CCDC66: variants seen among roughly 807,000 people sequenced by gnomAD.
CCDC66 encodes coiled-coil domain-containing protein 66.
CCDC66 carries 133 observed loss-of-function variants against 128.3 expected under a neutral mutation model. That is an observed-to-expected ratio of 1.04 (90% confidence interval 0.90 to 1.20). The LOEUF (loss-of-function observed/expected upper bound fraction) is 1.20. CCDC66 is among the 50% of genes most tolerant of loss of function. The pLI is 0.00. For synonymous variants in CCDC66, 387 were observed against 357.0 expected (o/e 1.08, Z -0.95); for missense variants, 1,126 against 1,075.5 (o/e 1.05, Z -0.66).
chr3:56,619,648 C>G, intron 16 of CCDC66, 121 bp downstream of exon 16: 1 of 1,484,422 alleles, frequency 6.7e-7, no homozygotes, highest in Non-Finnish European at 9.0e-7. Context: ...TTGAATATGT[C>G]TTAAATTTTT....
Position 56,593,626 on chromosome 3 carries a change from G to A in CCDC66, c.1204G>A (p.Ala402Thr), listed in dbSNP as rs1282211262. Reference protein sequence around the residue: ...FCVSPDTQELADVSSVCTPTT... With the variant: ...FCVSPDTQELTDVSSVCTPTT... ...TGTCTCTCCTGACACTCAGGAGCTG[G>A]CTGATGTCAGCAGTGTTTGTACACC... The change falls in exon 9 of 18, where the codon GCT (alanine) becomes ACT (threonine). Residue 402 changes from alanine (A) to threonine (T), a missense_variant. Physicochemically the swap from Ala to Thr is moderately conservative, Grantham distance 58 (BLOSUM62 0). Transcript: ENST00000394672. 3.1e-6 allele frequency: 5 copies of A among 1,614,028 alleles called. No individual in the cohort carries two copies. In the Admixed American group the frequency reaches 5.0e-5, roughly 16 times the overall value.
rs1340201532 is a variant in CCDC66 at position 56,563,721 on chromosome 3, G to A, written c.140G>A (p.Arg47Lys). 2 of 1,551,096 alleles carry A rather than the reference G, an allele frequency of 1.3e-6. No homozygotes were observed. The highest frequency in any genetic ancestry group is 1.7e-6 in the Non-Finnish European group (2 of 1,146,774). ...GCCAAGATTGCAAAATGTCCTTTAA[G>A]AACAAAAACTGGGCACATTCTAAAA... is the stretch of plus-strand genomic sequence containing the variant. ...NKAKIAKCPLRTKTGHILKST... is the reference protein window; with the variant it reads ...NKAKIAKCPLKTKTGHILKST... Residue 47 changes from arginine (R) to lysine (K), a missense_variant, in exon 4 of 18, where the codon AGA becomes AAA. Transcript: ENST00000394672.
chr3:56,619,683 CTTA>C (rs2076092026), intron 16 of CCDC66, 91 bp from the exon 17 acceptor site: 7 of 1,504,936 alleles, frequency 4.7e-6, no homozygotes, highest in African/African-American at 4.2e-5. Context: ...AGGATACATA[CTTA>C]TTATAATGAC....
At chr3:56,560,986 G>A (rs1284046088) in intron 3 of CCDC66, 7 of 453,352 alleles carry the variant, frequency 1.5e-5, no homozygotes, top group Admixed American at 9.6e-5. Context: ...AGTTGCTGGA[G>A]TACCCGAAAT....
At position 56,619,457 on chromosome 3, in the gene CCDC66, C is replaced by G. The variant is rs2076043634; in HGVS notation, c.2565C>G (p.Ile855Met). ...TTCCGTATGTTCGAACAAATGAGAT[C>G]TATTACCTTGATCCCGATGCACCAT... ...HFIPYVRTNE[I>M]YYLDPDAPLS... Residue 855 changes from isoleucine to methionine, a missense_variant, in exon 16 of 18, where the codon ATC becomes ATG. Physicochemically the swap from Ile to Met is conservative, Grantham distance 10 (BLOSUM62 1). Transcript: ENST00000394672. 6.2e-7 allele frequency: 1 copy of G among 1,614,000 alleles called. No individual in the cohort carries two copies. Among genetic ancestry groups the G allele is most frequent in the South Asian group, 1.1e-5 (1 of 91,078 alleles).
rs1364144255 is a variant in CCDC66 at position 56,593,689 on chromosome 3, C to T, written c.1267C>T (p.His423Tyr). The T allele has an allele frequency of 6.2e-7, 1 of 1,614,106 alleles. No homozygotes were observed. The highest frequency in any genetic ancestry group is 1.3e-5 in the African/African-American group (1 of 75,046). ...CCAGGTTGAACCTTCAGAGGAGGAG[C>T]ATATAGCAAAACCTATTAAGGATGT... ...GSQVEPSEEE[H>Y]IAKPIKDVVM... The change falls in exon 9 of 18, where the codon CAT becomes TAT. Residue 423 changes from histidine (H) to tyrosine (Y), a missense_variant. By Grantham distance (83) the His-to-Tyr change is moderately conservative. Transcript: ENST00000394672.
chr3:56,563,129 G>A (rs1291218511), intron 3 of CCDC66, among the ~76,000 whole-genome samples: 1 of 151,894 alleles, frequency 6.6e-6, no homozygotes, highest in Non-Finnish European at 1.5e-5. Context: ...GGGAGGCCAA[G>A]GCAGGTGGAT....
At chr3:56,604,564 G>A (rs932392013) in intron 10 of CCDC66, among the ~76,000 whole-genome samples, 6 of 151,876 alleles carry the variant, frequency 4.0e-5, no homozygotes, top group South Asian at 2.1e-4. Context: ...ATGAAATTCC[G>A]GGTTGAAAAT....
At position 56,593,350 on chromosome 3, in the gene CCDC66, C is replaced by T; in HGVS notation, c.1069-141C>T. 9 of 951,208 alleles carry T rather than the reference C, an allele frequency of 9.5e-6. No homozygotes were observed. The South Asian group carries it at 1.6e-4, about 17-fold the overall frequency. 58.9% of individuals were successfully genotyped at this position (951,208 alleles called of 1,614,324 possible). A position where few individuals can be genotyped will look rare whatever the true frequency, so the allele number is the denominator to read the frequency against. ...CTAGTGATCTATATGTATAAGGACTCTAAACAGTACAGTCTTGTTAATTTT... is the reference window on the plus strand; with the variant it reads ...CTAGTGATCTATATGTATAAGGACTTTAAACAGTACAGTCTTGTTAATTTT... On this transcript the variant is annotated intron_variant, in intron 8 of 17. Coordinates refer to ENST00000394672, the MANE Select transcript of CCDC66 (RefSeq NM_001141947.3).
chr3:56,602,782 C>A (rs1321176679), intron 10 of CCDC66, among the ~76,000 whole-genome samples: 1 of 149,440 alleles, frequency 6.7e-6, no homozygotes, highest in Non-Finnish European at 1.5e-5. Flanking sequence ...TTATAGTATT[C>A]TTTGATGGTA....
intron 1 of CCDC66, among the ~76,000 whole-genome samples, chr3:56,557,536 G>A (rs1166629478): frequency 6.6e-6 from 1 of 152,230 alleles, no homozygotes; most frequent in Non-Finnish European, 1.5e-5. Flanking sequence ...GGGAAGAGAG[G>A]TGAGGAGGAA....
At chr3:56,566,132 T>TTTTGTTTTGTTTTGTTTTGTTTTGC (rs2065824200) in intron 4 of CCDC66, among the ~76,000 whole-genome samples, 1 of 152,074 alleles carries the variant, frequency 6.6e-6, no homozygotes, top group African/African-American at 2.4e-5. Context: ...TTTTGTTTTG[T>TTTTGTTTTGTTTTGTTTTGTTTTGC]TTTGTTTTTT....
At chr3:56,569,756 C>G (rs944612692) in intron 6 of CCDC66, 1 of 152,246 alleles carries the variant, frequency 6.6e-6, no homozygotes, top group Non-Finnish European at 1.5e-5. Context: ...CATTCCACAT[C>G]AAAATGCAAT....
rs753875788 is a variant in CCDC66, at chr3:56,597,776, G to GTTTTTTTTTTTTTTTTTTTTTTTTT, written c.1404+3748_1404+3749insTTTTTTTTTTTTTTTTTTTTTTTTT. ...TTGTGGAGTCTAGGTTTTGTTTTGG[G>GTTTTTTTTTTTTTTTTTTTTTTTTT]GTTTTTTTTTTTTTTTGAGACAGAG... On this transcript the variant is annotated intron_variant, in intron 10 of 17. Coordinates refer to ENST00000394672, the MANE Select transcript of CCDC66 (RefSeq NM_001141947.3). Among the ~76,000 whole-genome samples the GTTTTTTTTTTTTTTTTTTTTTTTTT allele has an allele frequency of 1.9e-3, 119 of 61,674 alleles. 21 individuals are homozygous for GTTTTTTTTTTTTTTTTTTTTTTTTT. Among genetic ancestry groups the GTTTTTTTTTTTTTTTTTTTTTTTTT allele is most frequent in the Middle Eastern group, 0.023 (2 of 88 alleles). The allele number at this position is 61,674 out of a possible 152,430, so 40.5% of individuals were successfully genotyped here. A position where few individuals can be genotyped will look rare whatever the true frequency, so the allele number is the denominator to read the frequency against.
chr3:56,603,357 A>G (rs1406805061), intron 10 of CCDC66, among the ~76,000 whole-genome samples: 2 of 151,624 alleles, frequency 1.3e-5, no homozygotes, highest in African/African-American at 4.9e-5. Context: ...TTGTTTCTCT[A>G]GTTCTTTTAG....
At chr3:56,585,452 C>G (rs1577562465) in intron 7 of CCDC66, among the ~76,000 whole-genome samples, 1 of 151,574 alleles carries the variant, frequency 6.6e-6, no homozygotes, top group South Asian at 2.1e-4. Context: ...TATAAAAATA[C>G]AATCTTGAAT....
chr3:56,588,611 A>T (rs1419521637), intron 7 of CCDC66, among the ~76,000 whole-genome samples: 2 of 152,212 alleles, frequency 1.3e-5, no homozygotes, highest in Non-Finnish European at 2.9e-5. Flanking sequence ...ATGAGAAACC[A>T]TCCCTGTGAT....
intron 13 of CCDC66, chr3:56,616,487 T>G (rs1284789149): frequency 1.2e-5 from 2 of 172,520 alleles, no homozygotes; most frequent in Non-Finnish European, 2.4e-5. Context: ...TGTTGTAGCA[T>G]GTGTCAGTAC....
chr3:56,591,393 T>TCC (rs2070865957), intron 7 of CCDC66, among the ~76,000 whole-genome samples: 1 of 152,130 alleles, frequency 6.6e-6, no homozygotes, highest in Admixed American at 6.6e-5. Context: ...TAAACAAATA[T>TCC]ACAGCATCCA....
Sources: allele counts gnomAD v4.1 joint callset (sites outside exome capture counted in the v4.1 genomes callset), GRCh38; gene constraint gnomAD v4.1.1; transcripts MANE v1.5; gene names NCBI Gene and HGNC (gene_info 2026-07-23, HGNC 2026-07-21).